The following RAB6B variants were observed in gnomAD, a reference collection of about 807,000 sequenced individuals.
RAB6B encodes the protein RAB6B, member RAS oncogene family, also known as ras-related protein Rab-6B.
RAB6B carries 7 observed loss-of-function variants against 31.2 expected under a neutral mutation model. That is an observed-to-expected ratio of 0.22 (90% confidence interval 0.13 to 0.42). The LOEUF (loss-of-function observed/expected upper bound fraction) is 0.42, where lower values mean the gene tolerates loss of function less well. Among genes scored for constraint, RAB6B ranks in the 10% least tolerant of loss-of-function variants. The pLI, the probability that RAB6B is intolerant of heterozygous loss-of-function variation, is 1.00. For synonymous variants in RAB6B, 105 were observed against 104.9 expected (o/e 1.00, Z -0.01); for missense variants, 149 against 280.6 (o/e 0.53, Z 3.35).
At chr3:133,890,151 G>A (rs556027692) in intron 1 of RAB6B, among the ~76,000 whole-genome samples, 1 of 152,344 alleles carries the variant, frequency 6.6e-6, no homozygotes, top group South Asian at 2.1e-4. Context: ...ATTTCTTCCA[G>A]ATGTCAAAGT....
At chr3:133,892,909 C>G (rs1362962716) in intron 1 of RAB6B, among the ~76,000 whole-genome samples, 1 of 152,236 alleles carries the variant, frequency 6.6e-6, no homozygotes, top group Non-Finnish European at 1.5e-5. Flanking sequence ...GACTCCCCAT[C>G]CCATAAGGCT....
Position 133,828,665 on chromosome 3 carries a change from C to CAAAAAAA in RAB6B, c.*122_*123insTTTTTTT. On this transcript the variant is annotated 3_prime_UTR_variant, in exon 8 of 8. Transcript: ENST00000285208. The stretch of plus-strand genomic sequence containing the variant: ...CCCCATCCCACCCTACTCCTAAAGA[C>CAAAAAAA]AGAGAGAAAAGAAAAATCCTCCCAT... 1.7e-6 allele frequency: 1 copy of CAAAAAAA among 594,264 alleles called. No individual in the cohort carries two copies. The highest frequency in any genetic ancestry group is 3.0e-6 in the Non-Finnish European group (1 of 331,732). 36.8% of individuals were successfully genotyped at this position (594,264 alleles called of 1,614,324 possible).
intron 4 of RAB6B, 148 bp from the exon 5 acceptor site, chr3:133,839,765 C>A: frequency 1.5e-6 from 1 of 687,636 alleles, no homozygotes; most frequent in East Asian, 2.7e-5. Flanking sequence ...CAACACAGAT[C>A]AGCTGGGTAG....
intron 2 of RAB6B, among the ~76,000 whole-genome samples, chr3:133,850,024 C>G (rs1411680487): frequency 6.6e-6 from 1 of 152,024 alleles, no homozygotes; most frequent in African/African-American, 2.4e-5. Flanking sequence ...GTGTGGAAAA[C>G]CCTGGAAGTG....
intron 4 of RAB6B, 95 bp downstream of exon 4, chr3:133,841,190 G>A (rs564399490): frequency 2.6e-5 from 25 of 965,504 alleles, no homozygotes; most frequent in South Asian, 8.9e-5. Context: ...ACACACATGC[G>A]TGTGCACACA....
chr3:133,841,520 G>A (rs1576395356), intron 3 of RAB6B, 90 bp downstream of exon 3: 1 of 1,542,582 alleles, frequency 6.5e-7, no homozygotes, highest in East Asian at 2.3e-5. Flanking sequence ...GTGTCGGCAG[G>A]TGCTCTCAGT....
chr3:133,877,992 C>T (rs1559912057), intron 1 of RAB6B, among the ~76,000 whole-genome samples: 1 of 151,592 alleles, frequency 6.6e-6, no homozygotes, highest in Non-Finnish European at 1.5e-5. Flanking sequence ...ATAAAAATTA[C>T]CTAAAGTGAA....
At chr3:133,874,647 C>A (rs1464123517) in intron 1 of RAB6B, among the ~76,000 whole-genome samples, 1 of 152,128 alleles carries the variant, frequency 6.6e-6, no homozygotes, top group Non-Finnish European at 1.5e-5. Flanking sequence ...AATAAATTAA[C>A]CTTAGCTCAC....
In RAB6B at chr3:133,827,632, G is replaced by A; in HGVS notation, c.*1156C>T. On this transcript the variant is annotated 3_prime_UTR_variant, in exon 8 of 8. Transcript: ENST00000285208. ...TCCACAAAGACTTCAACTGCGCCATGCCACTGGGGTGAAAACATAGCAACA... is the reference window on the plus strand; with the variant it reads ...TCCACAAAGACTTCAACTGCGCCATACCACTGGGGTGAAAACATAGCAACA... 1 of 496,444 alleles carries A rather than the reference G, an allele frequency of 2.0e-6. No homozygotes were observed. Among genetic ancestry groups the A allele is most frequent in the Non-Finnish European group, 3.6e-6 (1 of 278,282 alleles). The allele number at this position is 496,444 out of a possible 1,614,324, so 30.8% of individuals were successfully genotyped here. A position where few individuals can be genotyped will look rare whatever the true frequency, so the allele number is the denominator to read the frequency against.
chr3:133,852,867 TG>T (rs1936007651), intron 2 of RAB6B, among the ~76,000 whole-genome samples: 1 of 152,160 alleles, frequency 6.6e-6, no homozygotes, highest in Non-Finnish European at 1.5e-5. Context: ...AATGCAAGCC[TG>T]GGAGCATTTT....
intron 2 of RAB6B, among the ~76,000 whole-genome samples, chr3:133,843,794 C>A (rs1227831266): frequency 6.6e-6 from 1 of 152,130 alleles, no homozygotes; most frequent in Admixed American, 6.5e-5. Flanking sequence ...AGGGAGTACC[C>A]ACAGCTGCTC....
At chr3:133,883,660 C>A (rs372220959) in intron 1 of RAB6B, among the ~76,000 whole-genome samples, 3 of 152,192 alleles carry the variant, frequency 2.0e-5, no homozygotes, top group Admixed American at 6.5e-5. Context: ...GGGAAAGAAA[C>A]AAGAAATGTG....
At chr3:133,847,243 G>A (rs1350360503) in intron 2 of RAB6B, among the ~76,000 whole-genome samples, 1 of 152,198 alleles carries the variant, frequency 6.6e-6, no homozygotes, top group African/African-American at 2.4e-5. Context: ...GAAAATGGAA[G>A]ACAAGAGATG....
chr3:133,885,218 G>A (rs1055466683), intron 1 of RAB6B, among the ~76,000 whole-genome samples: 9 of 150,054 alleles, frequency 6.0e-5, no homozygotes, highest in African/African-American at 2.2e-4. Context: ...AGGATGGGCT[G>A]CTCGCACACT....
intron 2 of RAB6B, among the ~76,000 whole-genome samples, chr3:133,850,619 A>G (rs927684637): frequency 6.6e-6 from 1 of 152,186 alleles, no homozygotes; most frequent in African/African-American, 2.4e-5. Context: ...ATCCAAAAGG[A>G]AGCATAAAGA....
At chr3:133,842,858 T>C (rs1935856544) in intron 2 of RAB6B, among the ~76,000 whole-genome samples, 1 of 152,198 alleles carries the variant, frequency 6.6e-6, no homozygotes, top group African/African-American at 2.4e-5. Context: ...CATATAACAG[T>C]ACTAAAATTA....
chr3:133,838,609 G>C (rs923126309), intron 5 of RAB6B, among the ~76,000 whole-genome samples: 8 of 152,172 alleles, frequency 5.3e-5, no homozygotes, highest in Non-Finnish European at 1.0e-4. Context: ...TGCCACTCTG[G>C]GTGGTATTAT....
rs1936699007 is a variant in RAB6B at position 133,895,597 on chromosome 3, CCT to C, written c.-133_-132del. On this transcript the variant is annotated 5_prime_UTR_variant, in exon 1 of 8. Coordinates refer to ENST00000285208, the MANE Select transcript of RAB6B (RefSeq NM_016577.4). ...GGGGGAAGGGCTGGCTGCGCGCGTCCCTGACTCCCCAGCTGCGTCCCGGTCCC... is the reference window on the plus strand; with the variant it reads ...GGGGGAAGGGCTGGCTGCGCGCGTCCGACTCCCCAGCTGCGTCCCGGTCCC... 3 of 847,380 alleles carry C rather than the reference CCT, an allele frequency of 3.5e-6. No homozygotes were observed. Among genetic ancestry groups the C allele is most frequent in the Middle Eastern group, 2.8e-4 (1 of 3,572 alleles). The allele number at this position is 847,380 out of a possible 1,614,324, so 52.5% of individuals were successfully genotyped here. A position where few individuals can be genotyped will look rare whatever the true frequency, so the allele number is the denominator to read the frequency against.
chr3:133,873,880 T>C (rs1481810659), intron 1 of RAB6B, among the ~76,000 whole-genome samples: 1 of 152,228 alleles, frequency 6.6e-6, no homozygotes, highest in African/African-American at 2.4e-5. Context: ...GTGTTATATG[T>C]ATTATATACT....
Sources: gnomAD v4.1 joint callset for allele counts (sites outside exome capture counted in the v4.1 genomes callset) on GRCh38, gnomAD v4.1.1 for gene constraint, MANE v1.5 for transcripts, NCBI Gene and HGNC (gene_info 2026-07-23, HGNC 2026-07-21) for gene names.